Variants in MEDAG observed in about 807,000 individuals in gnomAD.
MEDAG encodes mesenteric estrogen-dependent adipogenesis protein.
Under a neutral mutation model 29.9 loss-of-function variants are expected in MEDAG, and 25 were observed. The observed-to-expected ratio is 0.84, with a 90% CI of 0.61 to 1.17. The LOEUF (loss-of-function observed/expected upper bound fraction) is 1.17. Ranked by LOEUF, MEDAG falls within the 50% of genes most tolerant of loss-of-function variation. The pLI, the probability that MEDAG is intolerant of heterozygous loss-of-function variation, is 0.00. For synonymous variants in MEDAG, 158 were observed against 148.2 expected (o/e 1.07, Z -0.48); for missense variants, 398 against 372.9 (o/e 1.07, Z -0.56).
chr13:30,922,947 C>T (rs1953002586), intron 4 of MEDAG: 1 of 151,950 alleles, frequency 6.6e-6, no homozygotes, highest in South Asian at 2.1e-4. Context: ...TTGAGACGGA[C>T]TCTCGCTCTG....
chr13:30,923,180 C>T (rs1227445716), intron 4 of MEDAG, among the ~76,000 whole-genome samples: 1 of 152,162 alleles, frequency 6.6e-6, no homozygotes, highest in South Asian at 2.1e-4. Context: ...CTCAGCCTCC[C>T]AAAGTGCTGG....
At position 30,906,759 on chromosome 13, in the gene MEDAG, G is replaced by C; in HGVS notation, c.244G>C (p.Gly82Arg). ...CGGTGACGGCCTCGTGCGCCTCGAC[G>C]GGCAGCTCTACCGCCTCAGCAGCTA... is the stretch of plus-strand genomic sequence containing the variant. ...VFGDGLVRLD[G>R]QLYRLSSYIK... The change falls in exon 1 of 5, where the codon GGG becomes CGG. Residue 82 changes from glycine (G) to arginine (R), a missense_variant. Gly to Arg is a moderately radical substitution (Grantham distance 125). Transcript: ENST00000380482. 6.6e-7 allele frequency: 1 copy of C among 1,510,810 alleles called. No individual in the cohort carries two copies. The highest frequency in any genetic ancestry group is 2.1e-5 in the Admixed American group (1 of 48,440). 93.6% of individuals were successfully genotyped at this position (1,510,810 alleles called of 1,614,324 possible). A position where few individuals can be genotyped will look rare whatever the true frequency, so the allele number is the denominator to read the frequency against.
chr13:30,924,493 C>T lies in MEDAG; in HGVS notation c.*58C>T. 1 of 1,541,734 alleles carries T rather than the reference C, an allele frequency of 6.5e-7. No homozygotes were observed. ...CTCCAGGCCTGTGCTAGACTATAGG[C>T]TGGGGGGAGGGTAGGAGGTGGGAGG... On this transcript the variant is annotated 3_prime_UTR_variant, in exon 5 of 5. Coordinates refer to ENST00000380482, the MANE Select transcript of MEDAG (RefSeq NM_032849.4).
chr13:30,923,880 A>G (rs1408401297), intron 4 of MEDAG, among the ~76,000 whole-genome samples: 2 of 152,158 alleles, frequency 1.3e-5, no homozygotes, highest in Non-Finnish European at 2.9e-5. Flanking sequence ...TCCTTCCTGG[A>G]AGCTGTCATC....
At chr13:30,914,436 T>C (rs574022065) in intron 1 of MEDAG, among the ~76,000 whole-genome samples, 52 of 152,370 alleles carry the variant, frequency 3.4e-4, no homozygotes, top group African/African-American at 1.1e-3. Flanking sequence ...ATAACTGGCA[T>C]GCACTGTGAT....
At chr13:30,911,032 A>T (rs1566125623) in intron 1 of MEDAG, among the ~76,000 whole-genome samples, 5 of 152,210 alleles carry the variant, frequency 3.3e-5, no homozygotes, top group Admixed American at 3.3e-4. Context: ...GAGCTGTGAG[A>T]TTTTTAGGAG....
At chr13:30,914,563 G>A (rs1219026284) in intron 1 of MEDAG, among the ~76,000 whole-genome samples, 2 of 152,200 alleles carry the variant, frequency 1.3e-5, no homozygotes, top group Non-Finnish European at 2.9e-5. Context: ...ATTCAGGCTT[G>A]AAAATGGATA....
chr13:30,912,035 G>A (rs933744186), intron 1 of MEDAG, among the ~76,000 whole-genome samples: 1 of 152,116 alleles, frequency 6.6e-6, no homozygotes, highest in Non-Finnish European at 1.5e-5. Context: ...TCTCATCTCT[G>A]TGTCCCCAGT....
chr13:30,925,342 C>T lies in MEDAG; in HGVS notation c.*907C>T, dbSNP rs1953031610. The T allele has an allele frequency of 6.6e-6, 1 of 152,178 alleles. No homozygotes were observed. Among genetic ancestry groups the T allele is most frequent in the African/African-American group, 2.4e-5 (1 of 41,444 alleles). 9.4% of individuals were successfully genotyped at this position (152,178 alleles called of 1,614,324 possible). The stretch of plus-strand genomic sequence containing the variant: ...GAAAAGGAAAAAAAAATCCTATCTA[C>T]ATATAAAAACCTGCATGAATGAATC... On this transcript the variant is annotated 3_prime_UTR_variant, in exon 5 of 5. Transcript: ENST00000380482.
rs551444100 is a variant in MEDAG, at chr13:30,918,179, G to A, written c.388+667G>A. On this transcript the variant is annotated intron_variant, in intron 2 of 4. Coordinates refer to ENST00000380482, the MANE Select transcript of MEDAG (RefSeq NM_032849.4). ...AGGTTGCAGAAATGACTAGAGTGATGAGGATGATATATAACATGCTCTACC... is the reference window on the plus strand; with the variant it reads ...AGGTTGCAGAAATGACTAGAGTGATAAGGATGATATATAACATGCTCTACC... 1.4e-4 allele frequency among the ~76,000 whole-genome samples: 21 copies of A among 152,194 alleles called. 1 individual carries two copies. Among genetic ancestry groups the A allele is most frequent in the Non-Finnish European group, 2.1e-4 (14 of 68,032 alleles).
intron 2 of MEDAG, 34 bp from the exon 3 acceptor site, chr13:30,920,980 C>A: frequency 6.4e-7 from 1 of 1,553,770 alleles, no homozygotes; most frequent in Non-Finnish European, 8.9e-7. Flanking sequence ...CACATGGACA[C>A]ACTTGTTTCT....
intron 1 of MEDAG, among the ~76,000 whole-genome samples, chr13:30,908,439 G>A (rs1409974226): frequency 6.6e-6 from 1 of 152,226 alleles, no homozygotes; most frequent in Admixed American, 6.5e-5. Flanking sequence ...AGGCAGGGAA[G>A]GAGGCTTTTA....
chr13:30,911,382 C>A (rs1952880518), intron 1 of MEDAG, among the ~76,000 whole-genome samples: 1 of 152,144 alleles, frequency 6.6e-6, no homozygotes, highest in Non-Finnish European at 1.5e-5. Context: ...GAGCCAGGCT[C>A]TGGACTTGCA....
intron 1 of MEDAG, among the ~76,000 whole-genome samples, chr13:30,915,319 C>T (rs1286922147): frequency 6.6e-6 from 1 of 152,172 alleles, no homozygotes; most frequent in Non-Finnish European, 1.5e-5. Flanking sequence ...GATATTTGTG[C>T]TGGGTGTTTG....
chr13:30,920,986 T>C, intron 2 of MEDAG, 28 bp from the exon 3 acceptor site: 2 of 1,581,522 alleles, frequency 1.3e-6, no homozygotes, highest in Non-Finnish European at 1.7e-6. Context: ...GACACACTTG[T>C]TTCTGAATTC....
At chr13:30,921,498 T>C in intron 3 of MEDAG, 63 bp from the exon 4 acceptor site, 5 of 1,462,752 alleles carry the variant, frequency 3.4e-6, no homozygotes, top group Middle Eastern at 2.2e-4. Flanking sequence ...CGGTTGTTAG[T>C]TCTACAATGT....
At chr13:30,911,514 G>C (rs193022133) in intron 1 of MEDAG, among the ~76,000 whole-genome samples, 1 of 152,156 alleles carries the variant, frequency 6.6e-6, no homozygotes, top group Admixed American at 6.5e-5. Context: ...CTCTTCCTGG[G>C]GTGCTCCCTG....
At chr13:30,920,734 G>A (rs887489509) in intron 2 of MEDAG, among the ~76,000 whole-genome samples, 1 of 152,128 alleles carries the variant, frequency 6.6e-6, no homozygotes, top group African/African-American at 2.4e-5. Flanking sequence ...TGGAATTTTT[G>A]ATTTCTGAGA....
In MEDAG at chr13:30,921,808, GC is replaced by G; in HGVS notation, c.750del (p.Ser250ArgfsTer10). 6.2e-7 allele frequency: 1 copy of G among 1,610,780 alleles called. No homozygotes were observed. The highest frequency in any genetic ancestry group is 8.5e-7 in the Non-Finnish European group (1 of 1,179,010). ...ATGAGTGAGCCTTTAATCCGAAGGA[GC>G]AGTTTCTCTGACCGAAAGTTCAGTG... is the stretch of plus-strand genomic sequence containing the variant. ...EKMSEPLIRR[S>X]SFSDRKFSVT... On this transcript the variant is annotated frameshift_variant, in exon 4 of 5. Coordinates refer to ENST00000380482, the MANE Select transcript of MEDAG (RefSeq NM_032849.4). LOFTEE classifies it high-confidence loss of function.
Sources: allele counts gnomAD v4.1 joint callset (sites outside exome capture counted in the v4.1 genomes callset), GRCh38; gene constraint gnomAD v4.1.1; transcripts MANE v1.5; gene names NCBI Gene and HGNC (gene_info 2026-07-23, HGNC 2026-07-21).